Variants in LRRC31 observed in about 807,000 individuals in gnomAD.
LRRC31 encodes the protein leucine rich repeat containing 31.
Under a neutral mutation model 46.7 loss-of-function variants are expected in LRRC31, and 35 were observed. That is an observed-to-expected ratio of 0.75 (90% CI 0.57 to 0.99). The LOEUF is 0.99. Among genes scored for constraint, LRRC31 ranks in the 50% least tolerant of loss-of-function variants. The pLI is 0.00. For synonymous variants in LRRC31, 236 were observed against 235.1 expected, an observed-to-expected ratio of 1.00 and a Z score of -0.03; for missense variants, 613 against 626.1, an observed-to-expected ratio of 0.98 and a Z score of 0.22.
chr3:169,854,773 A>T (rs372739046), intron 6 of LRRC31, 40 bp downstream of exon 6: 1 of 1,517,286 alleles, frequency 6.6e-7, no homozygotes. Context: ...ATAGGCCAAG[A>T]TTCCAAAAGT....
chr3:169,849,291 T>G (rs1780688784), intron 7 of LRRC31, among the ~76,000 whole-genome samples: 1 of 152,174 alleles, frequency 6.6e-6, no homozygotes, highest in Non-Finnish European at 1.5e-5. Flanking sequence ...CTTCTAAAAG[T>G]GATGTAGGGA....
rs141569787 is a variant in LRRC31, at chr3:169,852,738, A to G, written c.992-952T>C. ...AGAAAATGCAGTATGCTGGATCTCT[A>G]CAAAGCTGGCTTACCTCCTTGAAGC... On this transcript the variant is annotated intron_variant, in intron 6 of 8. Transcript: ENST00000316428. 2.0e-5 allele frequency among the ~76,000 whole-genome samples: 3 copies of G among 152,326 alleles called. No homozygotes were observed. The East Asian group carries it at 5.8e-4, about 29-fold the overall frequency.
At chr3:169,850,480 T>C (rs1429564672) in intron 7 of LRRC31, among the ~76,000 whole-genome samples, 1 of 152,202 alleles carries the variant, frequency 6.6e-6, no homozygotes, top group Non-Finnish European at 1.5e-5. Flanking sequence ...CAAGTCTAGG[T>C]ATGCTTGAAG....
chr3:169,855,402 G>C (rs1270503452), intron 5 of LRRC31, among the ~76,000 whole-genome samples: 1 of 152,156 alleles, frequency 6.6e-6, no homozygotes, highest in African/African-American at 2.4e-5. Context: ...CTGGCCTTCT[G>C]TGAACCCGAC....
At chr3:169,848,464 GT>G (rs917598118) in intron 7 of LRRC31, among the ~76,000 whole-genome samples, 177 bp from the exon 8 acceptor site, 1 of 151,932 alleles carries the variant, frequency 6.6e-6, no homozygotes, top group Non-Finnish European at 1.5e-5. Context: ...TCTGTTTTTT[GT>G]TTTTTGTTTT....
At chr3:169,849,385 A>G (rs1576786084) in intron 7 of LRRC31, among the ~76,000 whole-genome samples, 1 of 152,226 alleles carries the variant, frequency 6.6e-6, no homozygotes, top group Non-Finnish European at 1.5e-5. Flanking sequence ...TACCTAGTTG[A>G]TCATGATTCA....
intron 1 of LRRC31, among the ~76,000 whole-genome samples, chr3:169,863,649 G>GT (rs1224428068): frequency 6.6e-6 from 1 of 152,106 alleles, no homozygotes; most frequent in Non-Finnish European, 1.5e-5. Context: ...CTCGCCTTCC[G>GT]TTTTTATGGC....
intron 6 of LRRC31, chr3:169,853,578 C>A: frequency 1.0e-6 from 1 of 985,822 alleles, no homozygotes; most frequent in Non-Finnish European, 1.2e-6. Flanking sequence ...CTCTGAATGT[C>A]TTCCTAGGTA....
At chr3:169,863,641 C>A (rs1325036894) in intron 1 of LRRC31, among the ~76,000 whole-genome samples, 1 of 152,198 alleles carries the variant, frequency 6.6e-6, no homozygotes, top group Non-Finnish European at 1.5e-5. Context: ...CTTTCACTCT[C>A]GCCTTCCGTT....
In LRRC31 at chr3:169,847,845, G is replaced by A. The variant is rs144119028; in HGVS notation, c.1327+275C>T. Among the ~76,000 whole-genome samples the A allele has an allele frequency of 6.2e-3, 947 of 152,328 alleles. 12 individuals are homozygous for A. The highest frequency in any genetic ancestry group is 7.5e-3 in the Admixed American group (114 of 15,296). ...ACTGAAGTGGGAACACTCACGGACC[G>A]CGGAGGTGTGGAACAGAGCTGTTTG... On this transcript the variant is annotated intron_variant, in intron 8 of 8. Transcript: ENST00000316428.
chr3:169,846,217 G>T (rs1037902761), intron 8 of LRRC31, among the ~76,000 whole-genome samples: 1 of 152,158 alleles, frequency 6.6e-6, no homozygotes, highest in South Asian at 2.1e-4. Context: ...GAAAACACAA[G>T]TTTATTTCAA....
chr3:169,853,526 C>T (rs1576790322), intron 6 of LRRC31: 9 of 985,788 alleles, frequency 9.1e-6, no homozygotes, highest in Non-Finnish European at 1.1e-5. Context: ...ATGTGGTATT[C>T]ATGTTATTTA....
chr3:169,866,943 C>T (rs977466712), intron 1 of LRRC31, among the ~76,000 whole-genome samples: 24 of 150,796 alleles, frequency 1.6e-4, no homozygotes, highest in Admixed American at 2.6e-4. Context: ...GACTGGGTGA[C>T]GGTGCGAAAC....
chr3:169,867,845 CAA>C lies in LRRC31; in HGVS notation c.175+1786_175+1787del, dbSNP rs1781378956. ...TTTATTTTCATAACCCTTGAATTTG[CAA>C]TCCCTGTTCTGGAAATTTATACTTT... is the stretch of plus-strand genomic sequence containing the variant. On this transcript the variant is annotated intron_variant, in intron 1 of 8. Transcript: ENST00000316428. 2.6e-5 allele frequency among the ~76,000 whole-genome samples: 4 copies of C among 152,208 alleles called. No individual in the cohort carries two copies. In the South Asian group the frequency reaches 8.3e-4, roughly 32 times the overall value.
At chr3:169,867,459 G>T (rs528717517) in intron 1 of LRRC31, among the ~76,000 whole-genome samples, 1 of 151,632 alleles carries the variant, frequency 6.6e-6, no homozygotes, top group Non-Finnish European at 1.5e-5. Context: ...GGGTTTTACC[G>T]TATTAGCCAG....
In LRRC31 at chr3:169,864,668, C is replaced by T. The variant is rs141463557; in HGVS notation, c.176-2855G>A. Among the ~76,000 whole-genome samples the T allele has an allele frequency of 5.0e-3, 764 of 152,228 alleles. 4 individuals carry two copies. Among genetic ancestry groups the T allele is most frequent in the African/African-American group, 0.017 (704 of 41,528 alleles). ...TATTGGTTTTACAGTTCCTCAATTACCAAAATAAATCATCATGATAAATCT... is the reference window on the plus strand; with the variant it reads ...TATTGGTTTTACAGTTCCTCAATTATCAAAATAAATCATCATGATAAATCT... On this transcript the variant is annotated intron_variant, in intron 1 of 8. Transcript: ENST00000316428.
At chr3:169,859,026 G>GT (rs1781060704) in intron 3 of LRRC31, among the ~76,000 whole-genome samples, 1 of 88,744 alleles carries the variant, frequency 1.1e-5, no homozygotes, top group African/African-American at 4.2e-5. Flanking sequence ...AAGGGGGGGG[G>GT]TGGGGGATGG....
chr3:169,852,126 A>C (rs955236094), intron 6 of LRRC31, among the ~76,000 whole-genome samples: 1 of 152,000 alleles, frequency 6.6e-6, no homozygotes, highest in Admixed American at 6.6e-5. Context: ...GGCAGGGCAC[A>C]GTGGCTCACT....
Position 169,848,222 on chromosome 3 carries a change from C to G in LRRC31, c.1225G>C (p.Gly409Arg). Reference protein sequence around the residue: ...FNLSWNKCVGGNLKLLLETLK... With the variant: ...FNLSWNKCVGRNLKLLLETLK... ...GTTTCCAGAAGCAGCTTCAAGTTGCCACCAACACACTTGTTCCAAGAAAGG... is the reference window on the plus strand; with the variant it reads ...GTTTCCAGAAGCAGCTTCAAGTTGCGACCAACACACTTGTTCCAAGAAAGG... Residue 409 changes from glycine to arginine, a missense_variant, in exon 8 of 9, where the codon GGC becomes CGC. By Grantham distance (125) the Gly-to-Arg change is moderately radical. Transcript: ENST00000316428. The G allele has an allele frequency of 6.2e-7, 1 of 1,614,180 alleles. No individual in the cohort carries two copies. The highest frequency in any genetic ancestry group is 8.5e-7 in the Non-Finnish European group (1 of 1,180,022).
Sources: gnomAD v4.1 joint callset for allele counts (sites outside exome capture counted in the v4.1 genomes callset) on GRCh38, gnomAD v4.1.1 for gene constraint, MANE v1.5 for transcripts, NCBI Gene and HGNC (gene_info 2026-07-23, HGNC 2026-07-21) for gene names.